Variants in WWOX observed in about 807,000 individuals in gnomAD.
WWOX encodes the protein WW domain-containing oxidoreductase.
In WWOX, 69 loss-of-function variants were observed where a neutral mutation model predicts 46.2. The ratio of observed to expected loss-of-function variants is 1.49; its 90% CI spans 1.23 to 1.82. WWOX has a LOEUF of 1.82. Among genes scored for constraint, WWOX ranks in the 40% most tolerant of loss-of-function variants. The pLI, the probability that WWOX is intolerant of heterozygous loss-of-function variation, is 0.00. For synonymous variants in WWOX, 359 were observed against 202.6 expected, an observed-to-expected ratio of 1.77 and a Z score of -6.56; for missense variants, 919 against 542.6, an observed-to-expected ratio of 1.69 and a Z score of -6.89.
chr16:78,989,870 G>C lies in WWOX; in HGVS notation c.1057-221738G>C, dbSNP rs1280761558. ...TGTGTGTGTGTGATTGAGAGAGAGAGAGACAGATGGAGGGAAAGAGAGGCG... is the reference window on the plus strand; with the variant it reads ...TGTGTGTGTGTGATTGAGAGAGAGACAGACAGATGGAGGGAAAGAGAGGCG... On this transcript the variant is annotated intron_variant, in intron 8 of 8. Transcript: ENST00000566780. Among the ~76,000 whole-genome samples, 4 of 150,578 alleles carry C rather than the reference G, an allele frequency of 2.7e-5. No homozygotes were observed. In the East Asian group the frequency reaches 7.8e-4, roughly 29 times the overall value.
intron 5 of WWOX, among the ~76,000 whole-genome samples, chr16:78,213,881 C>T (rs910592437): frequency 6.6e-6 from 1 of 152,126 alleles, no homozygotes; most frequent in Non-Finnish European, 1.5e-5. Flanking sequence ...GCTTCTGGGG[C>T]CCCCAGGGCG....
At chr16:78,825,147 A>G (rs934834375) in intron 8 of WWOX, 2 of 155,338 alleles carry the variant, frequency 1.3e-5, no homozygotes, top group Admixed American at 6.5e-5. Context: ...TCATAGAGCA[A>G]CCAAGTGGCA....
At chr16:78,334,940 G>A (rs565094572) in intron 5 of WWOX, among the ~76,000 whole-genome samples, 7 of 124,374 alleles carry the variant, frequency 5.6e-5, no homozygotes, top group Non-Finnish European at 1.2e-4. Context: ...AAAAAAAAAG[G>A]CAGCAAAATG....
intron 5 of WWOX, among the ~76,000 whole-genome samples, chr16:78,314,843 C>G (rs535241913): frequency 7.2e-5 from 11 of 151,832 alleles, no homozygotes; most frequent in African/African-American, 2.4e-4. Context: ...TGAGCCATCA[C>G]GCCTGGTGAA....
chr16:78,429,839 C>T (rs2083175979), intron 7 of WWOX, among the ~76,000 whole-genome samples: 1 of 152,128 alleles, frequency 6.6e-6, no homozygotes, highest in Admixed American at 6.5e-5. Context: ...GCGTGTGTTT[C>T]AACATGTAAA....
chr16:78,171,516 C>T (rs779599648), intron 5 of WWOX, among the ~76,000 whole-genome samples: 22 of 152,118 alleles, frequency 1.4e-4, no homozygotes, highest in Non-Finnish European at 2.6e-4. Context: ...ATACGAGCCT[C>T]ATGCCTGTCT....
intron 5 of WWOX, among the ~76,000 whole-genome samples, chr16:78,362,374 C>G (rs1233786821): frequency 1.3e-5 from 2 of 152,146 alleles, no homozygotes; most frequent in African/African-American, 2.4e-5. Flanking sequence ...CTTTGGAAGG[C>G]CAATGCGGGT....
intron 8 of WWOX, among the ~76,000 whole-genome samples, chr16:79,041,339 C>T (rs535322816): frequency 2.0e-5 from 3 of 152,280 alleles, no homozygotes; most frequent in African/African-American, 4.8e-5. Context: ...TCTCTGAGCT[C>T]ACCCTCTCTA....
chr16:78,769,569 ATTTATTTATTTATTTT>A (rs2050013879), intron 8 of WWOX, among the ~76,000 whole-genome samples: 1 of 54,906 alleles, frequency 1.8e-5, no homozygotes, highest in Non-Finnish European at 3.4e-5. Context: ...TTATTTATTT[ATTTATTTATTTATTTT>A]TACCATGTCT....
chr16:78,757,006 C>T (rs779152289), intron 8 of WWOX: 4 of 699,828 alleles, frequency 5.7e-6, no homozygotes, highest in Non-Finnish European at 1.0e-5. Context: ...AGCCTCCTGC[C>T]AACAGCCATG....
At chr16:78,346,953 G>C (rs758134920) in intron 5 of WWOX, among the ~76,000 whole-genome samples, 2 of 119,228 alleles carry the variant, frequency 1.7e-5, no homozygotes, top group South Asian at 2.5e-4. Context: ...TTCAACTCCT[G>C]ACCTCAGGTG....
At chr16:79,070,268 A>ATGTGTGTGTGTGTGTGTGTG (rs4035490) in intron 8 of WWOX, among the ~76,000 whole-genome samples, 42 of 145,096 alleles carry the variant, frequency 2.9e-4, no homozygotes, top group African/African-American at 1.0e-3. Flanking sequence ...TGTGTTTCTG[A>ATGTGTGTGTGTGTGTGTGTG]TGTGTGTGTG....
chr16:78,889,004 C>G (rs1341385380), intron 8 of WWOX, among the ~76,000 whole-genome samples: 1 of 152,034 alleles, frequency 6.6e-6, no homozygotes, highest in Non-Finnish European at 1.5e-5. Flanking sequence ...CCACCTCCAG[C>G]TCCCCCTAGA....
chr16:78,416,686 C>G (rs2082803929), intron 6 of WWOX, among the ~76,000 whole-genome samples: 1 of 152,102 alleles, frequency 6.6e-6, no homozygotes, highest in African/African-American at 2.4e-5. Flanking sequence ...AGTTAAAATT[C>G]CCAATGTCCA....
At chr16:78,894,020 T>TTATTATTACTA (rs1555561422) in intron 8 of WWOX, among the ~76,000 whole-genome samples, 2 of 140,080 alleles carry the variant, frequency 1.4e-5, no homozygotes, top group African/African-American at 2.6e-5. Context: ...TATTGAGGCT[T>TTATTATTACTA]TTATTATTAT....
intron 8 of WWOX, among the ~76,000 whole-genome samples, chr16:78,726,412 G>C (rs1268524583): frequency 6.6e-6 from 1 of 151,856 alleles, no homozygotes; most frequent in Non-Finnish European, 1.5e-5. Context: ...TATTTGTGGA[G>C]ACGGGGCGGG....
chr16:78,464,306 A>G (rs2345996), intron 8 of WWOX, among the ~76,000 whole-genome samples: 2 of 151,522 alleles, frequency 1.3e-5, no homozygotes, highest in African/African-American at 2.4e-5. Context: ...GGGAGAAGGA[A>G]AGAGAGGAAA....
chr16:79,033,190 TTATATA>T (rs896498456), intron 8 of WWOX, among the ~76,000 whole-genome samples: 1 of 139,548 alleles, frequency 7.2e-6, no homozygotes, highest in Non-Finnish European at 1.5e-5. Context: ...TATAGATAAT[TTATATA>T]TAAATATGTG....
intron 8 of WWOX, among the ~76,000 whole-genome samples, chr16:78,786,375 G>A (rs955077324): frequency 5.3e-5 from 8 of 152,130 alleles, no homozygotes; most frequent in Non-Finnish European, 1.0e-4. Flanking sequence ...TGGGGAACAC[G>A]TTATTATATA....
Sources: allele counts gnomAD v4.1 joint callset (sites outside exome capture counted in the v4.1 genomes callset), GRCh38; gene constraint gnomAD v4.1.1; transcripts MANE v1.5; gene names NCBI Gene and HGNC (gene_info 2026-07-23, HGNC 2026-07-21).